The following CNTN4 variants were observed in gnomAD, a reference collection of about 807,000 sequenced individuals.
CNTN4 encodes the protein contactin 4.
CNTN4 carries 77 observed loss-of-function variants against 122.5 expected under a neutral mutation model. The ratio of observed to expected loss-of-function variants is 0.63; its 90% CI spans 0.52 to 0.76. CNTN4 has a LOEUF of 0.76. Ranked by LOEUF, CNTN4 falls within the 30% of genes least tolerant of loss-of-function variation. The pLI, the probability that CNTN4 is intolerant of heterozygous loss-of-function variation, is 0.00. For synonymous variants in CNTN4, 512 were observed against 447.0 expected (o/e 1.15, Z -1.83); for missense variants, 1,256 against 1,259.1 (o/e 1.00, Z 0.04).
intron 2 of CNTN4, among the ~76,000 whole-genome samples, chr3:2,155,306 C>T (rs111391776): frequency 2.0e-4 from 30 of 152,158 alleles, no homozygotes; most frequent in Non-Finnish European, 8.8e-5. Flanking sequence ...ATTGCAGAGG[C>T]TCTGTCTCTT....
At chr3:3,049,169 G>A (rs774681695) in intron 23 of CNTN4, among the ~76,000 whole-genome samples, 29 of 152,272 alleles carry the variant, frequency 1.9e-4, no homozygotes, top group East Asian at 3.9e-4. Context: ...TGCAACCTCC[G>A]CCTCCAGGGT....
At chr3:2,384,024 A>G (rs1483662857) in intron 3 of CNTN4, among the ~76,000 whole-genome samples, 1 of 152,096 alleles carries the variant, frequency 6.6e-6, no homozygotes, top group African/African-American at 2.4e-5. Flanking sequence ...CACATCTCTA[A>G]TTCACCCTTG....
intron 3 of CNTN4, among the ~76,000 whole-genome samples, chr3:2,404,288 G>T (rs1451301226): frequency 2.0e-5 from 3 of 152,156 alleles, no homozygotes; most frequent in African/African-American, 7.2e-5. Flanking sequence ...GTCGTGACAG[G>T]CCTTTCCCCT....
Position 2,932,171 on chromosome 3 carries a change from A to G in CNTN4, c.1358+6392A>G, listed in dbSNP as rs557456983. Among the ~76,000 whole-genome samples, 127 of 152,108 alleles carry G rather than the reference A, an allele frequency of 8.3e-4. 7 individuals carry two copies. In the South Asian group the frequency reaches 0.026, roughly 31 times the overall value. On this transcript the variant is annotated intron_variant, in intron 13 of 24. Coordinates refer to ENST00000418658, the MANE Select transcript of CNTN4 (RefSeq NM_175607.3). ...GGCAGGCGGATCACGAGGTCAGGAG[A>G]TCGAGACCATCCTGGCTAACACGGT... is the stretch of plus-strand genomic sequence containing the variant.
At chr3:2,368,359 G>A (rs556758959) in intron 3 of CNTN4, among the ~76,000 whole-genome samples, 13 of 152,042 alleles carry the variant, frequency 8.6e-5, no homozygotes, top group Admixed American at 7.9e-4. Flanking sequence ...CTCTCATTTC[G>A]AGGCTTCTGT....
At chr3:2,748,299 A>G (rs1253611640) in intron 6 of CNTN4, among the ~76,000 whole-genome samples, 1 of 152,240 alleles carries the variant, frequency 6.6e-6, no homozygotes, top group Non-Finnish European at 1.5e-5. Context: ...CTATTCATCC[A>G]GTGCTACCCA....
At chr3:2,913,949 C>T (rs971105354) in intron 12 of CNTN4, among the ~76,000 whole-genome samples, 2 of 152,090 alleles carry the variant, frequency 1.3e-5, no homozygotes, top group Admixed American at 1.3e-4. Context: ...TGAAATTATA[C>T]GTAATATCCT....
At chr3:2,170,286 C>T (rs529032180) in intron 2 of CNTN4, among the ~76,000 whole-genome samples, 25 of 151,930 alleles carry the variant, frequency 1.6e-4, no homozygotes, top group Non-Finnish European at 2.9e-4. Flanking sequence ...CGCCACCGCA[C>T]TCCAGCCTGG....
At chr3:2,380,411 A>G (rs574771126) in intron 3 of CNTN4, among the ~76,000 whole-genome samples, 1 of 151,148 alleles carries the variant, frequency 6.6e-6, no homozygotes, top group Non-Finnish European at 1.5e-5. Context: ...GAAAGAGGAA[A>G]TAGTTGAAGA....
intron 13 of CNTN4, among the ~76,000 whole-genome samples, chr3:2,973,375 G>A (rs986315781): frequency 4.0e-5 from 6 of 151,888 alleles, no homozygotes; most frequent in African/African-American, 7.3e-5. Context: ...ACACAACCTC[G>A]AGACTAAAAT....
chr3:2,250,912 A>C (rs1468351853), intron 2 of CNTN4, among the ~76,000 whole-genome samples: 1 of 151,888 alleles, frequency 6.6e-6, no homozygotes, highest in African/African-American at 2.4e-5. Flanking sequence ...GAAGAAAAGA[A>C]GAGATCATTT....
At chr3:2,735,436 C>G (rs2149486309) in intron 4 of CNTN4, among the ~76,000 whole-genome samples, 1 of 152,316 alleles carries the variant, frequency 6.6e-6, no homozygotes, top group Middle Eastern at 3.4e-3. Flanking sequence ...TCTCATGCAT[C>G]CAGTTTCTCT....
At chr3:2,930,909 G>T (rs1322662095) in intron 13 of CNTN4, among the ~76,000 whole-genome samples, 1 of 152,170 alleles carries the variant, frequency 6.6e-6, no homozygotes, top group Non-Finnish European at 1.5e-5. Flanking sequence ...CAATCCTGAG[G>T]CATATGTTAT....
chr3:3,008,518 T>A (rs1231427710), intron 14 of CNTN4, among the ~76,000 whole-genome samples: 1 of 152,228 alleles, frequency 6.6e-6, no homozygotes, highest in Non-Finnish European at 1.5e-5. Flanking sequence ...GCACTTTTGC[T>A]CCTTAGTGTG....
intron 3 of CNTN4, among the ~76,000 whole-genome samples, chr3:2,374,648 A>G (rs888338392): frequency 2.0e-5 from 3 of 152,222 alleles, no homozygotes; most frequent in African/African-American, 7.2e-5. Context: ...AAAAGAAGAA[A>G]AAAAGGCCAT....
Position 2,900,773 on chromosome 3 carries a change from T to A in CNTN4, c.1029T>A (p.Pro343=). ...VFWECKANGR[P]KPTYKWLKNG... ...GGGAATGTAAAGCAAATGGAAGGCC[T>A]AAGCCTACATACAAGTGGCTAAAAA... The change falls in exon 11 of 25, where the codon CCT becomes CCA. Residue 343 remains proline (P), a synonymous_variant. Coordinates refer to ENST00000418658, the MANE Select transcript of CNTN4 (RefSeq NM_175607.3). 1 of 1,613,986 alleles carries A rather than the reference T, an allele frequency of 6.2e-7. No individual in the cohort carries two copies. The highest frequency in any genetic ancestry group is 8.5e-7 in the Non-Finnish European group (1 of 1,179,836).
At chr3:2,432,730 C>T (rs2048122398) in intron 3 of CNTN4, among the ~76,000 whole-genome samples, 1 of 151,132 alleles carries the variant, frequency 6.6e-6, no homozygotes, top group African/African-American at 2.4e-5. Context: ...TAATGGACAC[C>T]AAGATTGCTT....
chr3:2,818,678 T>C (rs2092795587), intron 6 of CNTN4, among the ~76,000 whole-genome samples: 1 of 152,236 alleles, frequency 6.6e-6, no homozygotes, highest in Admixed American at 6.5e-5. Context: ...TTTCTTATAT[T>C]AACTCATTTG....
At chr3:2,997,704 T>G (rs916935494) in intron 14 of CNTN4, among the ~76,000 whole-genome samples, 2 of 152,192 alleles carry the variant, frequency 1.3e-5, no homozygotes, top group Admixed American at 1.3e-4. Context: ...CTGTAGAAGA[T>G]CCATTTCTAA....
Sources: allele counts gnomAD v4.1 joint callset (sites outside exome capture counted in the v4.1 genomes callset), GRCh38; gene constraint gnomAD v4.1.1; transcripts MANE v1.5; gene names NCBI Gene and HGNC (gene_info 2026-07-23, HGNC 2026-07-21).